KCNIP4: variants seen among roughly 807,000 people sequenced by gnomAD.
The protein encoded by KCNIP4 is potassium voltage-gated channel interacting protein 4, also known as Kv channel-interacting protein 4.
KCNIP4 carries 12 observed loss-of-function variants against 34.0 expected under a neutral mutation model. The ratio of observed to expected loss-of-function variants is 0.35; its 90% CI spans 0.23 to 0.57. KCNIP4 has a LOEUF of 0.57. Ranked by LOEUF, KCNIP4 falls within the 20% of genes least tolerant of loss-of-function variation. KCNIP4 has a pLI of 0.83. For missense variants in KCNIP4, 238 were observed against 311.7 expected (o/e 0.76, Z 1.78); for synonymous variants, 124 against 102.2 (o/e 1.21, Z -1.29).
At chr4:20,802,202 A>ATGC (rs1714374912) in intron 3 of KCNIP4, among the ~76,000 whole-genome samples, 2 of 146,186 alleles carry the variant, frequency 1.4e-5, no homozygotes, top group East Asian at 2.0e-4. Flanking sequence ...TATGCTATAT[A>ATGC]TATATGCTAC....
At chr4:21,604,167 A>G (rs1743447297) in intron 1 of KCNIP4, among the ~76,000 whole-genome samples, 1 of 152,182 alleles carries the variant, frequency 6.6e-6, no homozygotes, top group Non-Finnish European at 1.5e-5. Context: ...TTCTATTACT[A>G]CATATAATAG....
chr4:20,730,909 C>T (rs1016772110), intron 8 of KCNIP4, among the ~76,000 whole-genome samples: 25 of 152,022 alleles, frequency 1.6e-4, no homozygotes, highest in African/African-American at 5.8e-4. Flanking sequence ...AGTAACATCA[C>T]CGTCAAGCAG....
intron 1 of KCNIP4, among the ~76,000 whole-genome samples, chr4:20,987,943 G>A (rs1200219000): frequency 7.3e-6 from 1 of 136,658 alleles, no homozygotes; most frequent in African/African-American, 2.8e-5. Flanking sequence ...GGAGCTTGCA[G>A]TGAGCCGAGA....
intron 1 of KCNIP4, among the ~76,000 whole-genome samples, chr4:21,170,508 C>A (rs1374697695): frequency 1.3e-5 from 2 of 152,008 alleles, no homozygotes; most frequent in Admixed American, 1.3e-4. Context: ...TAATTTTAAC[C>A]ATGATCCCTG....
intron 1 of KCNIP4, among the ~76,000 whole-genome samples, chr4:21,727,261 C>G (rs1394724104): frequency 1.3e-5 from 2 of 152,140 alleles, no homozygotes; most frequent in Non-Finnish European, 2.9e-5. Context: ...ATGCCTTTCT[C>G]TCTTCTGTCC....
intron 1 of KCNIP4, among the ~76,000 whole-genome samples, chr4:21,813,562 C>A (rs572832814): frequency 3.3e-5 from 5 of 152,136 alleles, no homozygotes; most frequent in African/African-American, 1.2e-4. Flanking sequence ...GACAAAGATC[C>A]ATTTGTACTC....
At chr4:21,640,478 C>A (rs1746536730) in intron 1 of KCNIP4, among the ~76,000 whole-genome samples, 1 of 152,128 alleles carries the variant, frequency 6.6e-6, no homozygotes, top group Non-Finnish European at 1.5e-5. Context: ...CACATTCAAT[C>A]TAACATTCCA....
chr4:21,499,560 TTC>T, intron 1 of KCNIP4, among the ~76,000 whole-genome samples: 1 of 141,278 alleles, frequency 7.1e-6, no homozygotes. Context: ...ATAAAATACT[TTC>T]TTCTTCTCCA....
At chr4:21,758,992 A>C (rs1430777833) in intron 1 of KCNIP4, among the ~76,000 whole-genome samples, 1 of 152,178 alleles carries the variant, frequency 6.6e-6, no homozygotes, top group African/African-American at 2.4e-5. Context: ...TGAGTTGTAG[A>C]AACCACTTTG....
chr4:21,345,152 T>C (rs531085821), intron 1 of KCNIP4, among the ~76,000 whole-genome samples: 3 of 152,174 alleles, frequency 2.0e-5, no homozygotes, highest in African/African-American at 7.2e-5. Context: ...TTGGGAGGGC[T>C]CTCTCATACT....
chr4:21,036,704 G>A lies in KCNIP4; in HGVS notation c.62-153995C>T, dbSNP rs184199399. ...TGGCACCACTGCACTCCAGCCTGGG[G>A]ACAGAGCGAGACTCCGTCTCAAAAA... is the stretch of plus-strand genomic sequence containing the variant. On this transcript the variant is annotated intron_variant, in intron 1 of 8. Coordinates refer to ENST00000382152, the MANE Select transcript of KCNIP4 (RefSeq NM_025221.6). 7.2e-4 allele frequency among the ~76,000 whole-genome samples: 110 copies of A among 152,234 alleles called. 1 individual carries two copies. The highest frequency in any genetic ancestry group is 3.4e-3 in the Middle Eastern group (1 of 294).
intron 1 of KCNIP4, among the ~76,000 whole-genome samples, chr4:21,556,592 T>TA (rs1739028652): frequency 1.3e-5 from 2 of 152,044 alleles, no homozygotes; most frequent in African/African-American, 2.4e-5. Context: ...TAGGACAATT[T>TA]ATTGCTAAGA....
At chr4:21,478,303 T>G (rs935601749) in intron 1 of KCNIP4, among the ~76,000 whole-genome samples, 1 of 152,116 alleles carries the variant, frequency 6.6e-6, no homozygotes, top group Non-Finnish European at 1.5e-5. Flanking sequence ...CAATGGAGAT[T>G]TCATGTCCCC....
intron 1 of KCNIP4, among the ~76,000 whole-genome samples, chr4:21,322,148 G>A (rs1233880479): frequency 7.9e-6 from 1 of 126,122 alleles, no homozygotes; most frequent in Non-Finnish European, 1.7e-5. Context: ...AGGGAGGGAG[G>A]GACAGAAGGA....
intron 1 of KCNIP4, among the ~76,000 whole-genome samples, chr4:20,995,640 G>A (rs1182913779): frequency 6.6e-6 from 1 of 152,202 alleles, no homozygotes; most frequent in African/African-American, 2.4e-5. Flanking sequence ...TTCCAAGCAA[G>A]GCAGAGCCTA....
At chr4:21,896,547 T>C (rs1727398177) in intron 1 of KCNIP4, among the ~76,000 whole-genome samples, 1 of 152,162 alleles carries the variant, frequency 6.6e-6, no homozygotes. Flanking sequence ...GTGTGGTCTG[T>C]TGAGGCTATC....
At position 21,446,551 on chromosome 4, in the gene KCNIP4, C is replaced by T. The variant is rs558112214; in HGVS notation, c.61+502020G>A. Among the ~76,000 whole-genome samples the T allele has an allele frequency of 4.8e-5, 7 of 144,680 alleles. No individual in the cohort carries two copies. The East Asian group carries it at 6.2e-4, about 13-fold the overall frequency. The allele number at this position is 144,680 out of a possible 152,430, so 94.9% of individuals were successfully genotyped here. A position where few individuals can be genotyped will look rare whatever the true frequency, so the allele number is the denominator to read the frequency against. On this transcript the variant is annotated intron_variant, in intron 1 of 8. Coordinates refer to ENST00000382152, the MANE Select transcript of KCNIP4 (RefSeq NM_025221.6). ...CAAAAAACCAAACACCGCATGTTCT[C>T]ACTTATAGGTGGGAATTGAACAATG...
intron 2 of KCNIP4, among the ~76,000 whole-genome samples, chr4:20,872,124 T>C (rs2149511349): frequency 6.6e-6 from 1 of 152,262 alleles, no homozygotes; most frequent in East Asian, 1.9e-4. Context: ...AGTTTCACAC[T>C]GCTATTGAAA....
At chr4:21,861,659 A>C (rs1044971158) in intron 1 of KCNIP4, among the ~76,000 whole-genome samples, 13 of 149,022 alleles carry the variant, frequency 8.7e-5, no homozygotes, top group African/African-American at 2.7e-4. Context: ...TCCGTCTCAA[A>C]AAAAAAAAAA....
Sources: gnomAD v4.1 joint callset for allele counts (sites outside exome capture counted in the v4.1 genomes callset) on GRCh38, gnomAD v4.1.1 for gene constraint, MANE v1.5 for transcripts, NCBI Gene and HGNC (gene_info 2026-07-23, HGNC 2026-07-21) for gene names.